Variants in PGAM5 observed in about 807,000 individuals in gnomAD.
The protein encoded by PGAM5 is PGAM family member 5, mitochondrial serine/threonine protein phosphatase, also known as serine/threonine-protein phosphatase PGAM5, mitochondrial.
In PGAM5, 25 loss-of-function variants were observed where a neutral mutation model predicts 30.6. That is an observed-to-expected ratio of 0.82 (90% confidence interval 0.60 to 1.14). The LOEUF is 1.14. PGAM5 is among the 50% of genes most tolerant of loss of function. PGAM5 has a pLI of 0.00. For synonymous variants in PGAM5, 201 were observed against 179.1 expected (o/e 1.12, Z -0.98); for missense variants, 384 against 408.5 (o/e 0.94, Z 0.52).
chr12:132,718,133 T>C lies in PGAM5; in HGVS notation c.719+13T>C, dbSNP rs2043602111. On this transcript the variant is annotated intron_variant, in intron 5 of 5. Coordinates refer to ENST00000498926, the MANE Select transcript of PGAM5 (RefSeq NM_001170543.2). ...ACATCGTGTGCAGGTAGGCAGCTGCTGGGCTGGGCGTGGTCTAAAATAATT... is the reference window on the plus strand; with the variant it reads ...ACATCGTGTGCAGGTAGGCAGCTGCCGGGCTGGGCGTGGTCTAAAATAATT... 2 of 1,612,212 alleles carry C rather than the reference T, an allele frequency of 1.2e-6. No individual in the cohort carries two copies. The highest frequency in any genetic ancestry group is 1.7e-5 in the Admixed American group (1 of 59,950).
intron 2 of PGAM5, among the ~76,000 whole-genome samples, 193 bp from the exon 3 acceptor site, chr12:132,717,246 G>A (rs112137347): frequency 6.6e-6 from 1 of 152,120 alleles, no homozygotes; most frequent in Non-Finnish European, 1.5e-5. Flanking sequence ...CGGGCGGGCA[G>A]GAGCCATCGG....
At position 132,710,853 on chromosome 12, in the gene PGAM5, C is replaced by G. The variant is rs2043513625; in HGVS notation, c.-24C>G. On this transcript the variant is annotated 5_prime_UTR_variant, in exon 1 of 6. Transcript: ENST00000498926. ...GCCGTCGGGGCCGTGGGCGCCTGCG[C>G]GGGCCGGCGCGGGAGCAAGCGGCAT... 2.7e-6 allele frequency: 3 copies of G among 1,111,222 alleles called. No individual in the cohort carries two copies. The highest frequency in any genetic ancestry group is 4.4e-5 in the South Asian group (1 of 22,988). 68.8% of individuals were successfully genotyped at this position (1,111,222 alleles called of 1,614,324 possible).
rs1383878768 is a variant in PGAM5, at chr12:132,722,368, A to C, written c.*1540A>C. 6.6e-6 allele frequency: 1 copy of C among 151,220 alleles called. No homozygotes were observed. The highest frequency in any genetic ancestry group is 1.5e-5 in the Non-Finnish European group (1 of 67,970). 9.4% of individuals were successfully genotyped at this position (151,220 alleles called of 1,614,324 possible). On this transcript the variant is annotated 3_prime_UTR_variant, in exon 6 of 6. Transcript: ENST00000498926. Reference sequence around the variant, plus strand: ...TGGGTTCAAACGATTCTCCTGCCTCAGCCTCCCAAGTAGCTGGGATTATAG... The same window carrying C: ...TGGGTTCAAACGATTCTCCTGCCTCCGCCTCCCAAGTAGCTGGGATTATAG...
intron 1 of PGAM5, chr12:132,711,674 T>G (rs926174904): frequency 6.6e-6 from 1 of 151,712 alleles, no homozygotes; most frequent in Non-Finnish European, 1.5e-5. Flanking sequence ...TGGTCCCAGC[T>G]ACTCGGGAGG....
At chr12:132,720,339 G>A (rs1336350529) in intron 5 of PGAM5, among the ~76,000 whole-genome samples, 2 of 146,350 alleles carry the variant, frequency 1.4e-5, no homozygotes, top group African/African-American at 2.6e-5. Flanking sequence ...ACAGAATCTC[G>A]CTCTGTCACC....
At position 132,718,033 on chromosome 12, in the gene PGAM5, ACATC is replaced by A; in HGVS notation, c.635_638del (p.Ile212ThrfsTer51). ...CGGATCGAGGCCGCCTTCCGGAACT[ACATC>A]CACCGCGCAGATGCCAGGCAGGAGG... On this transcript the variant is annotated frameshift_variant, in exon 5 of 6. Transcript: ENST00000498926. LOFTEE classifies it high-confidence loss of function. 6.2e-7 allele frequency: 1 copy of A among 1,612,774 alleles called. No homozygotes were observed.
intron 4 of PGAM5, 70 bp from the exon 5 acceptor site, chr12:132,717,916 TG>T: frequency 6.2e-7 from 1 of 1,601,166 alleles, no homozygotes; most frequent in Non-Finnish European, 8.5e-7. Flanking sequence ...CGGGCGGCGA[TG>T]GGGTCTGTCC....
Position 132,721,761 on chromosome 12 carries a change from G to A in PGAM5, c.*933G>A, listed in dbSNP as rs1004427205. On this transcript the variant is annotated 3_prime_UTR_variant, in exon 6 of 6. Coordinates refer to ENST00000498926, the MANE Select transcript of PGAM5 (RefSeq NM_001170543.2). ...CACCACCATACCTGGCTAATTTTTT[G>A]TATTTTTAGTAAAGACAGGGTTTCA... The A allele has an allele frequency of 6.6e-6, 1 of 151,938 alleles. No homozygotes were observed. Among genetic ancestry groups the A allele is most frequent in the African/African-American group, 2.4e-5 (1 of 41,384 alleles). 9.4% of individuals were successfully genotyped at this position (151,938 alleles called of 1,614,324 possible). A position where few individuals can be genotyped will look rare whatever the true frequency, so the allele number is the denominator to read the frequency against.
intron 1 of PGAM5, among the ~76,000 whole-genome samples, chr12:132,712,886 G>A (rs982817459): frequency 2.0e-5 from 3 of 152,064 alleles, no homozygotes; most frequent in South Asian, 2.1e-4. Context: ...GGCTGGGTGC[G>A]GTGGCTCACA....
In PGAM5 at chr12:132,718,116, T is replaced by G; in HGVS notation, c.715T>G (p.Cys239Gly). 5 of 1,612,582 alleles carry G rather than the reference T, an allele frequency of 3.1e-6. No individual in the cohort carries two copies. The highest frequency in any genetic ancestry group is 3.4e-6 in the Non-Finnish European group (4 of 1,179,942). The change falls in exon 5 of 6, where the codon TGC (cysteine) becomes GGC (glycine). Residue 239 changes from cysteine (C) to glycine (G), a missense_variant. Physicochemically the swap from Cys to Gly is radical, Grantham distance 159. Transcript: ENST00000498926. ...CHANVIRYIV[C>G]RALQFPPEGW... ...CGCCAACGTCATCCGCTACATCGTG[T>G]GCAGGTAGGCAGCTGCTGGGCTGGG...
At position 132,717,693 on chromosome 12, in the gene PGAM5, G is replaced by A. The variant is rs751419670; in HGVS notation, c.497-17G>A. 19 of 1,566,542 alleles carry A rather than the reference G, an allele frequency of 1.2e-5. No homozygotes were observed. The highest frequency in any genetic ancestry group is 1.6e-5 in the Non-Finnish European group (18 of 1,155,296). Reference sequence around the variant, plus strand: ...GCGGGGCCGCCTCACCCAGCGCTTCGCTGTGCTTCTCTGCAGGCGTCTGCA... The same window carrying A: ...GCGGGGCCGCCTCACCCAGCGCTTCACTGTGCTTCTCTGCAGGCGTCTGCA... On this transcript the variant is annotated splice_polypyrimidine_tract_variant and intron_variant, in intron 3 of 5. Transcript: ENST00000498926.
intron 1 of PGAM5, among the ~76,000 whole-genome samples, chr12:132,713,364 C>T (rs372407292): frequency 1.3e-5 from 2 of 152,262 alleles, no homozygotes; most frequent in African/African-American, 2.4e-5. Flanking sequence ...TCTCACCTGT[C>T]CACACTTGAA....
At chr12:132,717,291 C>T (rs1206030924) in intron 2 of PGAM5, 148 bp from the exon 3 acceptor site, 7 of 830,180 alleles carry the variant, frequency 8.4e-6, no homozygotes, top group Admixed American at 7.3e-5. Flanking sequence ...GATCAGGGGT[C>T]GTGTTTGCGG....
rs778668617 is a variant in PGAM5 at position 132,714,860 on chromosome 12, G to T, written c.194G>T (p.Arg65Leu). ...CATATCTTGTATTTCAACATCAGGC[G>T]AGAACCACTGTCTCTGATCAACGTG... Reference protein sequence around the residue: ...PGVWDPNWDRREPLSLINVRK... With the variant: ...PGVWDPNWDRLEPLSLINVRK... Residue 65 changes from arginine (R) to leucine (L), a missense_variant and splice_region_variant, in exon 2 of 6, where the codon CGA (arginine) becomes CTA (leucine). Transcript: ENST00000498926. 1 of 1,613,576 alleles carries T rather than the reference G, an allele frequency of 6.2e-7. No homozygotes were observed. Among genetic ancestry groups the T allele is most frequent in the Non-Finnish European group, 8.5e-7 (1 of 1,179,908 alleles).
At chr12:132,719,002 T>C in intron 5 of PGAM5, 1 of 1,437,376 alleles carries the variant, frequency 7.0e-7, no homozygotes, top group Non-Finnish European at 9.1e-7. Flanking sequence ...CGGGTTCAGG[T>C]TGCGTTTTCC....
At chr12:132,717,604 G>A in intron 3 of PGAM5, 40 bp downstream of exon 3, 5 of 1,604,738 alleles carry the variant, frequency 3.1e-6, no homozygotes, top group Non-Finnish European at 4.3e-6. Flanking sequence ...TGCAGCAGTG[G>A]GCGGCTCGTG....
At position 132,718,079 on chromosome 12, in the gene PGAM5, C is replaced by A. The variant is rs750909164; in HGVS notation, c.678C>A (p.Ile226=). Residue 226 remains isoleucine, a synonymous_variant, in exon 5 of 6, where the codon ATC becomes ATA. Transcript: ENST00000498926. ...GGCAGGAGGAGGACAGTTACGAGATCTTCATCTGTCACGCCAACGTCATCC... is the reference window on the plus strand; with the variant it reads ...GGCAGGAGGAGGACAGTTACGAGATATTCATCTGTCACGCCAACGTCATCC... ...DARQEEDSYE[I]FICHANVIRY... is the part of the protein sequence containing the mutation. 1 of 1,612,836 alleles carries A rather than the reference C, an allele frequency of 6.2e-7. No individual in the cohort carries two copies. The highest frequency in any genetic ancestry group is 8.5e-7 in the Non-Finnish European group (1 of 1,179,986).
At chr12:132,711,287 C>A in intron 1 of PGAM5, 1 of 302,438 alleles carries the variant, frequency 3.3e-6, no homozygotes. Context: ...CGAGCTCCGT[C>A]GCGTCCTCGC....
At position 132,721,127 on chromosome 12, in the gene PGAM5, A is replaced by C. The variant is rs2043640867; in HGVS notation, c.*299A>C. ...GACCCAGACCACCATGTTCGCACCC[A>C]CAGCTGACCCGTGCTGAGGGTCCAG... On this transcript the variant is annotated 3_prime_UTR_variant, in exon 6 of 6. Transcript: ENST00000498926. 7.9e-6 allele frequency: 2 copies of C among 252,726 alleles called. No homozygotes were observed. Among genetic ancestry groups the C allele is most frequent in the Admixed American group, 5.2e-5 (1 of 19,058 alleles). The allele number at this position is 252,726 out of a possible 1,614,324, so 15.7% of individuals were successfully genotyped here. A position where few individuals can be genotyped will look rare whatever the true frequency, so the allele number is the denominator to read the frequency against.
Sources: allele counts gnomAD v4.1 joint callset (sites outside exome capture counted in the v4.1 genomes callset), GRCh38; gene constraint gnomAD v4.1.1; transcripts MANE v1.5; gene names NCBI Gene and HGNC (gene_info 2026-07-23, HGNC 2026-07-21).